The following KPTN variants were observed in gnomAD, a reference collection of about 807,000 sequenced individuals.
The protein encoded by KPTN is KICSTOR complex protein kaptin.
In KPTN, 36 loss-of-function variants were observed where a neutral mutation model predicts 52.6. That is an observed-to-expected ratio of 0.68 (90% confidence interval 0.52 to 0.90). KPTN has a LOEUF of 0.90. Ranked by LOEUF, KPTN falls within the 40% of genes least tolerant of loss-of-function variation. The pLI, the probability that KPTN is intolerant of heterozygous loss-of-function variation, is 0.00. For synonymous variants in KPTN, 271 were observed against 248.4 expected (o/e 1.09, Z -0.85); for missense variants, 529 against 576.2 (o/e 0.92, Z 0.84).
chr19:47,484,238 A>T (rs1968001854), upstream of KPTN: 1 of 1,466,452 alleles, frequency 6.8e-7, no homozygotes, highest in Admixed American at 2.3e-5. Context: ...AAGCGACCTG[A>T]ACCGCCGGGT....
At chr19:47,482,673 C>T (rs1477132217) in intron 4 of KPTN, among the ~76,000 whole-genome samples, 2 of 152,042 alleles carry the variant, frequency 1.3e-5, no homozygotes, top group South Asian at 4.1e-4. Context: ...CCTCTCTGGT[C>T]CCCAAAGGCA....
chr19:47,479,773 G>T (rs1967799404), intron 8 of KPTN, 90 bp downstream of exon 8: 1 of 1,056,014 alleles, frequency 9.5e-7, no homozygotes, highest in Admixed American at 2.0e-5. Flanking sequence ...TGGGAGAGGG[G>T]TGCAAATCTG....
intron 4 of KPTN, among the ~76,000 whole-genome samples, chr19:47,482,703 T>C (rs1040667505): frequency 3.3e-5 from 5 of 152,140 alleles, no homozygotes; most frequent in African/African-American, 1.2e-4. Flanking sequence ...AATTTCATTT[T>C]ATTTTATTTA....
At position 47,480,350 on chromosome 19, in the gene KPTN, C is replaced by G; in HGVS notation, c.657G>C (p.Leu219=). The change falls in exon 7 of 12, where the codon CTG becomes CTC. Residue 219 remains leucine (L), a synonymous_variant. Coordinates refer to ENST00000338134, the MANE Select transcript of KPTN (RefSeq NM_007059.4). ...CACGGACATAACCACTCTGACAGCCCAGAGCTGAGAGGCGCCGGGACGTGC... is the reference window on the plus strand; with the variant it reads ...CACGGACATAACCACTCTGACAGCCGAGAGCTGAGAGGCGCCGGGACGTGC... The part of the protein sequence containing the change: ...FPGTSRRLSA[L]GCQSGYVRVA... 1 of 1,549,892 alleles carries G rather than the reference C, an allele frequency of 6.5e-7. No individual in the cohort carries two copies.
At chr19:47,483,891 C>CCAA in intron 1 of KPTN, 44 bp downstream of exon 1, 1 of 1,609,274 alleles carries the variant, frequency 6.2e-7, no homozygotes, top group Non-Finnish European at 8.5e-7. Flanking sequence ...CTTCTCAACA[C>CCAA]CACGTTCCAG....
upstream of KPTN, chr19:47,484,371 T>C: frequency 1.7e-6 from 1 of 602,762 alleles, no homozygotes; most frequent in Non-Finnish European, 2.9e-6. Flanking sequence ...CCGCGCTCTC[T>C]TCTCCTTTCC....
chr19:47,476,908 C>T lies in KPTN; in HGVS notation c.894G>A (p.Gln298=). Residue 298 remains glutamine (Q), a synonymous_variant, in exon 10 of 12, where the codon CAG becomes CAA. Transcript: ENST00000338134. ...RDLLNRGLED[Q]LLLPGSDQFD... ...ACTGGTCACTGCCGGGCAGGAGAAG[C>T]TGGTCTTCAAGACCCCGGTTCAGCA... The T allele has an allele frequency of 6.4e-7, 1 of 1,559,568 alleles. No homozygotes were observed. The highest frequency in any genetic ancestry group is 8.7e-7 in the Non-Finnish European group (1 of 1,151,180).
In KPTN at chr19:47,484,112, C is replaced by T. The variant is rs1056707416; in HGVS notation, c.49G>A (p.Asp17Asn). ...VAAGPCPLRE[D>N]SFTRFSSQSN... ...TGCGACGAGAAGCGCGTGAAGCTGTCCTCGCGCAACGGACAAGGCCCCGCG... is the reference window on the plus strand; with the variant it reads ...TGCGACGAGAAGCGCGTGAAGCTGTTCTCGCGCAACGGACAAGGCCCCGCG... Residue 17 changes from aspartate to asparagine, a missense_variant, in exon 1 of 12, where the codon GAC becomes AAC. By Grantham distance (23) the Asp-to-Asn change is conservative. Coordinates refer to ENST00000338134, the MANE Select transcript of KPTN (RefSeq NM_007059.4). 10 of 1,603,460 alleles carry T rather than the reference C, an allele frequency of 6.2e-6. No individual in the cohort carries two copies. Among genetic ancestry groups the T allele is most frequent in the Non-Finnish European group, 8.5e-6 (10 of 1,179,634 alleles).
At chr19:47,482,774 T>G (rs1006777186) in intron 4 of KPTN, among the ~76,000 whole-genome samples, 2 of 152,080 alleles carry the variant, frequency 1.3e-5, no homozygotes, top group African/African-American at 2.4e-5. Flanking sequence ...GGTGCAATCT[T>G]GGCTCACTGC....
At position 47,483,219 on chromosome 19, in the gene KPTN, T is replaced by C. The variant is rs1185839545; in HGVS notation, c.395-4A>G. On this transcript the variant is annotated splice_polypyrimidine_tract_variant and splice_region_variant and intron_variant, in intron 3 of 11. Coordinates refer to ENST00000338134, the MANE Select transcript of KPTN (RefSeq NM_007059.4). Reference sequence around the variant, plus strand: ...AGCTCCAGGTTCAGGCAGCTCTCTGTAGGCAGGGCACAGGCAGGTTAGCAT... The same window carrying C: ...AGCTCCAGGTTCAGGCAGCTCTCTGCAGGCAGGGCACAGGCAGGTTAGCAT... 1 of 1,613,874 alleles carries C rather than the reference T, an allele frequency of 6.2e-7. No homozygotes were observed. Among genetic ancestry groups the C allele is most frequent in the African/African-American group, 1.3e-5 (1 of 74,906 alleles).
At chr19:47,479,371 C>T (rs1482425108) in intron 8 of KPTN, among the ~76,000 whole-genome samples, 1 of 152,114 alleles carries the variant, frequency 6.6e-6, no homozygotes, top group Non-Finnish European at 1.5e-5. Flanking sequence ...AGGGACAGAC[C>T]CCAGTAAAGG....
At chr19:47,477,928 C>T (rs913555250) in intron 8 of KPTN, 147 bp from the exon 9 acceptor site, 64 of 556,592 alleles carry the variant, frequency 1.1e-4, no homozygotes, top group African/African-American at 8.4e-4. Flanking sequence ...GGCATGGTGG[C>T]GGGCACCTGT....
intron 9 of KPTN, 145 bp from the exon 10 acceptor site, chr19:47,477,083 A>T: frequency 1.2e-6 from 1 of 807,666 alleles, no homozygotes; most frequent in Non-Finnish European, 1.9e-6. Context: ...TCATCATCTC[A>T]GATTTGGACA....
rs1199916192 is a variant in KPTN, at chr19:47,480,349, C to T, written c.658G>A (p.Gly220Ser). The change falls in exon 7 of 12, where the codon GGC becomes AGC. Residue 220 changes from glycine to serine, a missense_variant. Gly to Ser is a moderately conservative substitution (Grantham distance 56). Transcript: ENST00000338134. The stretch of plus-strand genomic sequence containing the variant: ...ACACGGACATAACCACTCTGACAGC[C>T]CAGAGCTGAGAGGCGCCGGGACGTG... Reference protein sequence around the residue: ...PGTSRRLSALGCQSGYVRVAH... With the variant: ...PGTSRRLSALSCQSGYVRVAH... 4 of 1,549,932 alleles carry T rather than the reference C, an allele frequency of 2.6e-6. No individual in the cohort carries two copies. In the South Asian group the frequency reaches 3.6e-5, roughly 14 times the overall value.
intron 4 of KPTN, among the ~76,000 whole-genome samples, chr19:47,481,912 G>A (rs957554770): frequency 6.6e-6 from 1 of 152,130 alleles, no homozygotes; most frequent in African/African-American, 2.4e-5. Context: ...CTATCTCCTC[G>A]AAAGATGAGA....
At chr19:47,479,829 G>A in intron 8 of KPTN, 34 bp downstream of exon 8, 3 of 1,473,724 alleles carry the variant, frequency 2.0e-6, no homozygotes, top group Non-Finnish European at 9.4e-7. Context: ...CCTCCCACCC[G>A]CTCTCTCCCC....
At chr19:47,476,443 G>T in intron 11 of KPTN, 89 bp downstream of exon 11, 1 of 1,100,102 alleles carries the variant, frequency 9.1e-7, no homozygotes, top group Non-Finnish European at 1.2e-6. Context: ...TCCCTGAAAT[G>T]AGTTCCTCCC....
intron 8 of KPTN, among the ~76,000 whole-genome samples, chr19:47,478,526 C>T (rs184867301): frequency 6.6e-5 from 9 of 137,252 alleles, no homozygotes; most frequent in African/African-American, 1.4e-4. Flanking sequence ...GATAGTGAGC[C>T]GAGATTGTGC....
chr19:47,481,077 T>C (rs772091779), intron 4 of KPTN, 44 bp from the exon 5 acceptor site: 8 of 1,484,754 alleles, frequency 5.4e-6, no homozygotes, highest in Non-Finnish European at 7.4e-6. Context: ...GGAATCCACA[T>C]GGTCTGAGAA....
Sources: allele counts gnomAD v4.1 joint callset (sites outside exome capture counted in the v4.1 genomes callset), GRCh38; gene constraint gnomAD v4.1.1; transcripts MANE v1.5; gene names NCBI Gene and HGNC (gene_info 2026-07-23, HGNC 2026-07-21).